Variants in CNKSR2 observed in about 807,000 individuals in gnomAD.
CNKSR2 encodes CNK homolog protein 2.
Under a neutral mutation model 84.4 loss-of-function variants are expected in CNKSR2, and 14 were observed. The observed-to-expected ratio is 0.17, with a 90% CI of 0.11 to 0.26. The LOEUF (loss-of-function observed/expected upper bound fraction) is 0.26, where lower values mean the gene tolerates loss of function less well. Among genes scored for constraint, CNKSR2 ranks in the 10% least tolerant of loss-of-function variants. The probability of loss-of-function intolerance (pLI) is 1.00; values close to 1 mark genes in which losing one functional copy is unlikely to be tolerated. For synonymous variants in CNKSR2, 275 were observed against 277.9 expected, an observed-to-expected ratio of 0.99 and a Z score of 0.10; for missense variants, 485 against 771.2, an observed-to-expected ratio of 0.63 and a Z score of 4.40.
intron 4 of CNKSR2, among the ~76,000 whole-genome samples, chrX:21,462,788 A>G (rs1199256243): frequency 9.7e-6 from 1 of 102,598 alleles, no homozygotes; most frequent in Non-Finnish European, 2.0e-5. Context: ...ATCTCAGCTC[A>G]CTGCAACCTC....
intron 17 of CNKSR2, 58 bp from the exon 18 acceptor site, chrX:21,601,224 A>G (rs2092479758): frequency 2.9e-6 from 2 of 681,562 alleles, no homozygotes; most frequent in African/African-American, 4.3e-5. Context: ...TGTTTCTAGG[A>G]AGTAAAATAT....
intron 13 of CNKSR2, among the ~76,000 whole-genome samples, chrX:21,583,313 T>C (rs149709122): frequency 0.016 from 1,750 of 111,736 alleles, 35 homozygotes; most frequent in African/African-American, 0.054. Flanking sequence ...TATGCTGTTA[T>C]TTCTTATAAA....
intron 4 of CNKSR2, among the ~76,000 whole-genome samples, chrX:21,465,016 T>A (rs2091108813): frequency 1.8e-5 from 2 of 112,127 alleles, no homozygotes; most frequent in Admixed American, 1.9e-4. Context: ...TACTTCTTAT[T>A]GACTGTGCAT....
At chrX:21,552,014 A>G (rs1384959194) in intron 11 of CNKSR2, among the ~76,000 whole-genome samples, 1 of 110,385 alleles carries the variant, frequency 9.1e-6, no homozygotes, top group African/African-American at 3.3e-5. Context: ...CTGTTCTACA[A>G]TAGATAATCT....
At chrX:21,445,349 A>G (rs1007399466) in intron 4 of CNKSR2, among the ~76,000 whole-genome samples, 4 of 111,465 alleles carry the variant, frequency 3.6e-5, no homozygotes, top group Non-Finnish European at 3.8e-5. Context: ...TTTATGGAGT[A>G]CAGAGTCATA....
intron 5 of CNKSR2, among the ~76,000 whole-genome samples, chrX:21,483,171 G>A (rs2091339995): frequency 9.0e-6 from 1 of 111,377 alleles, no homozygotes; most frequent in African/African-American, 3.3e-5. Flanking sequence ...CAACCCAAAT[G>A]TCCAACAGTG....
At chrX:21,492,796 A>G (rs2091455508) in intron 6 of CNKSR2, 1 of 112,108 alleles carries the variant, frequency 8.9e-6, no homozygotes, top group Non-Finnish European at 1.9e-5. Flanking sequence ...GAGAATTTAC[A>G]TGGCTTATTC....
At chrX:21,451,140 T>TA (rs1009838393) in intron 4 of CNKSR2, among the ~76,000 whole-genome samples, 1 of 111,799 alleles carries the variant, frequency 8.9e-6, no homozygotes, top group African/African-American at 3.2e-5. Flanking sequence ...ATCAGTGCAA[T>TA]AAAATATTGA....
rs755845270 is a variant in CNKSR2 at position 21,470,746 on chromosome X, A to G, written c.520-20A>G. ...ATGCTTGATATTTTGAATCTAATGT[A>G]TATGGTTCTTTTTTTTCAGGATTGT... On this transcript the variant is annotated intron_variant, in intron 4 of 21. Transcript: ENST00000379510. 5.8e-6 allele frequency: 5 copies of G among 864,834 alleles called. No individual in the cohort carries two copies. The East Asian group carries it at 1.7e-4, about 29-fold the overall frequency. 71.3% of individuals were successfully genotyped at this position (864,834 alleles called of 1,213,427 possible).
intron 8 of CNKSR2, chrX:21,504,833 A>C: frequency 3.4e-6 from 1 of 295,962 alleles, no homozygotes; most frequent in Non-Finnish European, 5.9e-6. Flanking sequence ...TGGCTGAGAA[A>C]CTGTGGCTGC....
At chrX:21,393,400 A>G (rs1394422910) in intron 1 of CNKSR2, among the ~76,000 whole-genome samples, 2 of 112,582 alleles carry the variant, frequency 1.8e-5, no homozygotes, top group African/African-American at 6.4e-5. Context: ...TGTGTCAATT[A>G]TACATTAAAT....
chrX:21,544,003 G>A (rs2091999783), intron 11 of CNKSR2, among the ~76,000 whole-genome samples: 1 of 110,664 alleles, frequency 9.0e-6, no homozygotes, highest in Non-Finnish European at 1.9e-5. Context: ...CAGAGTTCTT[G>A]CCTCATAGAA....
chrX:21,473,747 T>TTTTTTTTTTTTGTTTTTTG (rs1569190439), intron 5 of CNKSR2, among the ~76,000 whole-genome samples: 1 of 75,255 alleles, frequency 1.3e-5, no homozygotes, highest in African/African-American at 8.9e-5. Context: ...TTGGTTTGGT[T>TTTTTTTTTTTTGTTTTTTG]TTTTTTTTTT....
At chrX:21,519,406 C>T (rs982164770) in intron 9 of CNKSR2, among the ~76,000 whole-genome samples, 5 of 110,883 alleles carry the variant, frequency 4.5e-5, no homozygotes, top group Non-Finnish European at 9.5e-5. Context: ...TTCATAACAT[C>T]ATGACTTTAT....
chrX:21,421,546 C>T (rs1014247850), intron 1 of CNKSR2, among the ~76,000 whole-genome samples: 98 of 110,870 alleles, frequency 8.8e-4, no homozygotes, highest in African/African-American at 3.0e-3. Context: ...TTCCACCTCT[C>T]GCCTATTGTG....
At chrX:21,445,887 T>C (rs1263889317) in intron 4 of CNKSR2, among the ~76,000 whole-genome samples, 1 of 111,757 alleles carries the variant, frequency 8.9e-6, no homozygotes, top group Non-Finnish European at 1.9e-5. Context: ...TTGGCTGTTA[T>C]GAATAGTGCT....
At chrX:21,442,130 ATATT>A (rs2090792226) in intron 4 of CNKSR2, among the ~76,000 whole-genome samples, 1 of 110,957 alleles carries the variant, frequency 9.0e-6, no homozygotes. Context: ...TTAATCTGCT[ATATT>A]TATTTTACTT....
intron 13 of CNKSR2, 39 bp downstream of exon 13, chrX:21,563,491 T>C: frequency 9.9e-7 from 1 of 1,009,360 alleles, no homozygotes; most frequent in South Asian, 2.4e-5. Context: ...ACAGCTTTTA[T>C]TGGAAGACTG....
intron 13 of CNKSR2, among the ~76,000 whole-genome samples, chrX:21,570,684 C>T (rs961878260): frequency 8.9e-6 from 1 of 111,947 alleles, no homozygotes; most frequent in Non-Finnish European, 1.9e-5. Context: ...CACTTAGAGG[C>T]CATCGTAGGG....
Sources: gnomAD v4.1 joint callset for allele counts (sites outside exome capture counted in the v4.1 genomes callset) on GRCh38, gnomAD v4.1.1 for gene constraint, MANE v1.5 for transcripts, NCBI Gene and HGNC (gene_info 2026-07-23, HGNC 2026-07-21) for gene names.